The following ZNF423 variants were observed in gnomAD, a reference collection of about 807,000 sequenced individuals.
The protein encoded by ZNF423 is zinc finger protein 423.
ZNF423 carries 12 observed loss-of-function variants against 95.8 expected under a neutral mutation model. The ratio of observed to expected loss-of-function variants is 0.13; its 90% CI spans 0.08 to 0.20. ZNF423 has a LOEUF of 0.20. Ranked by LOEUF, ZNF423 falls within the 10% of genes least tolerant of loss-of-function variation. The pLI, the probability that ZNF423 is intolerant of heterozygous loss-of-function variation, is 1.00. For missense variants in ZNF423, 1,316 were observed against 1,737.1 expected (o/e 0.76, Z 4.31); for synonymous variants, 749 against 711.9 (o/e 1.05, Z -0.83).
chr16:49,512,656 A>G (rs947258941), intron 7 of ZNF423, among the ~76,000 whole-genome samples: 9 of 152,230 alleles, frequency 5.9e-5, no homozygotes, highest in Admixed American at 3.9e-4. Flanking sequence ...AAGGGCCACA[A>G]TGACCCTCAG....
intron 5 of ZNF423, among the ~76,000 whole-genome samples, chr16:49,544,055 T>C (rs1301767172): frequency 6.6e-6 from 1 of 152,238 alleles, no homozygotes; most frequent in Non-Finnish European, 1.5e-5. Flanking sequence ...GGTCCATCCA[T>C]GCACACATCC....
At position 49,637,553 on chromosome 16, in the gene ZNF423, G is replaced by A. The variant is rs558769719; in HGVS notation, c.1623C>T (p.Thr541=). 98 of 1,614,084 alleles carry A rather than the reference G, an allele frequency of 6.1e-5. No homozygotes were observed. Among genetic ancestry groups the A allele is most frequent in the Non-Finnish European group, 8.0e-5 (94 of 1,180,020 alleles). Residue 541 remains threonine, a synonymous_variant, in exon 4 of 8, where the codon ACC becomes ACT. Coordinates refer to ENST00000563137, the MANE Select transcript of ZNF423 (RefSeq NM_001379286.1). The surrounding 1 kb of genome is among the most constrained non-coding windows in gnomAD (Gnocchi z 5.6). ...TGCAGTGGGCCTGCTGGATGTGCTC[G>A]GTGAGGGAGGACTCAGTAAGGAAAC... is the stretch of plus-strand genomic sequence containing the variant. ...SMGFLTESSL[T]EHIQQAHCSV...
chr16:49,551,292 G>C (rs1235230036), intron 5 of ZNF423, among the ~76,000 whole-genome samples: 1 of 152,194 alleles, frequency 6.6e-6, no homozygotes, highest in Non-Finnish European at 1.5e-5. Flanking sequence ...CCGCTTTTCT[G>C]CCAAAAAGTT....
intron 3 of ZNF423, among the ~76,000 whole-genome samples, chr16:49,721,267 G>A (rs1349056435): frequency 6.6e-6 from 1 of 152,134 alleles, no homozygotes; most frequent in Non-Finnish European, 1.5e-5. Context: ...CAGCCAAAAG[G>A]ATCACAGCAA....
At chr16:49,634,902 G>T (rs1048585185) in intron 4 of ZNF423, among the ~76,000 whole-genome samples, 9 of 152,160 alleles carry the variant, frequency 5.9e-5, no homozygotes, top group African/African-American at 2.2e-4. Context: ...GGCTCCCTCT[G>T]GTCCACAAGT....
intron 3 of ZNF423, among the ~76,000 whole-genome samples, chr16:49,660,201 C>T (rs1368687797): frequency 6.7e-6 from 1 of 150,264 alleles, no homozygotes; most frequent in African/African-American, 2.5e-5. Flanking sequence ...TAACTATCTG[C>T]TCAATGACTG....
chr16:49,708,040 T>C (rs1007273335), intron 3 of ZNF423: 7 of 153,342 alleles, frequency 4.6e-5, no homozygotes, highest in African/African-American at 1.7e-4. Context: ...GACTGTGATG[T>C]TACAGAAAAG....
chr16:49,657,048 T>C (rs4785179), intron 3 of ZNF423, among the ~76,000 whole-genome samples: 97,683 of 152,016 alleles, frequency 0.64, 31,579 homozygotes, highest in East Asian at 0.76. Context: ...GTGACACCCG[T>C]TCAGGGGCAC....
At chr16:49,709,183 T>TATATATATATATATATATATATATATATA (rs58833331) in intron 3 of ZNF423, among the ~76,000 whole-genome samples, 3 of 145,310 alleles carry the variant, frequency 2.1e-5, no homozygotes, top group Non-Finnish European at 3.0e-5. Context: ...TATATATATA[T>TATATATATATATATATATATATATATATA]GAAAACGGAG....
chr16:49,577,941 C>T (rs887324324), intron 5 of ZNF423, among the ~76,000 whole-genome samples: 1 of 152,226 alleles, frequency 6.6e-6, no homozygotes, highest in Admixed American at 6.5e-5. Context: ...AAGGCCAGTG[C>T]CTGCTTGACC....
chr16:49,569,048 C>T (rs1376361862), intron 5 of ZNF423, among the ~76,000 whole-genome samples: 2 of 152,188 alleles, frequency 1.3e-5, no homozygotes, highest in African/African-American at 2.4e-5. Context: ...GGAAAACCCC[C>T]GCCTCTAAAG....
chr16:49,804,820 T>C (rs1162258634), intron 1 of ZNF423, among the ~76,000 whole-genome samples: 2 of 150,948 alleles, frequency 1.3e-5, no homozygotes, highest in African/African-American at 4.9e-5. Context: ...TCAAACAAGA[T>C]GGTGTGTATA....
At chr16:49,535,830 C>A (rs1969038296) in intron 5 of ZNF423, among the ~76,000 whole-genome samples, 1 of 152,164 alleles carries the variant, frequency 6.6e-6, no homozygotes, top group Non-Finnish European at 1.5e-5. Context: ...TGATGTATAT[C>A]ACTGATCTTC....
intron 2 of ZNF423, among the ~76,000 whole-genome samples, chr16:49,754,668 C>T (rs2033692216): frequency 6.6e-6 from 1 of 152,212 alleles, no homozygotes; most frequent in Admixed American, 6.5e-5. Context: ...CACATGTGCA[C>T]CAAGCCGGAG....
intron 5 of ZNF423, among the ~76,000 whole-genome samples, chr16:49,553,742 C>A (rs1054873672): frequency 6.6e-6 from 1 of 152,082 alleles, no homozygotes; most frequent in Non-Finnish European, 1.5e-5. Context: ...TAATAACAAC[C>A]ACTCTTAGTA....
At chr16:49,527,120 C>A (rs1055537872) in intron 5 of ZNF423, among the ~76,000 whole-genome samples, 6 of 152,182 alleles carry the variant, frequency 3.9e-5, no homozygotes, top group African/African-American at 1.4e-4. Flanking sequence ...CAGGCATTCC[C>A]CCTGGCCCAG....
chr16:49,819,012 G>C (rs2034898473), intron 1 of ZNF423, among the ~76,000 whole-genome samples: 1 of 152,004 alleles, frequency 6.6e-6, no homozygotes, highest in African/African-American at 2.4e-5. Flanking sequence ...CCAGCTCTTT[G>C]GGAGGCTGAG....
chr16:49,739,426 C>T (rs948214883), intron 2 of ZNF423, among the ~76,000 whole-genome samples: 7 of 152,022 alleles, frequency 4.6e-5, no homozygotes, highest in African/African-American at 1.7e-4. Context: ...CGAAAATGTC[C>T]ATGCATACCA....
At chr16:49,742,592 G>A (rs1039313265) in intron 2 of ZNF423, among the ~76,000 whole-genome samples, 1 of 152,022 alleles carries the variant, frequency 6.6e-6, no homozygotes, top group African/African-American at 2.4e-5. Flanking sequence ...TCGCCTTGCT[G>A]TCATGTTTTG....
Sources: allele counts gnomAD v4.1 joint callset (sites outside exome capture counted in the v4.1 genomes callset), GRCh38; gene constraint gnomAD v4.1.1; non-coding constraint Gnocchi (gnomAD v3.1); transcripts MANE v1.5; gene names NCBI Gene and HGNC (gene_info 2026-07-23, HGNC 2026-07-21).